CDC20B: variants seen among roughly 807,000 people sequenced by gnomAD.
CDC20B encodes cell division cycle 20B.
Under a neutral mutation model 64.1 loss-of-function variants are expected in CDC20B, and 58 were observed. That is an observed-to-expected ratio of 0.90 (90% confidence interval 0.73 to 1.13). The LOEUF is 1.13. Ranked by LOEUF, CDC20B falls within the 50% of genes most tolerant of loss-of-function variation. CDC20B has a pLI of 0.00. For missense variants in CDC20B, 597 were observed against 633.0 expected (o/e 0.94, Z 0.61); for synonymous variants, 243 against 230.6 (o/e 1.05, Z -0.49).
At position 55,113,995 on chromosome 5, in the gene CDC20B, A is replaced by G. The variant is rs974531087; in HGVS notation, c.*223T>C. On this transcript the variant is annotated 3_prime_UTR_variant, in exon 12 of 12. Coordinates refer to ENST00000381375, the MANE Select transcript of CDC20B (RefSeq NM_001170402.1). Reference sequence around the variant, plus strand: ...GAATGGGAGGAAGAAGAGGAGGGGGAGGAAGAGGGGCAGAAAGAAGAAAGC... The same window carrying G: ...GAATGGGAGGAAGAAGAGGAGGGGGGGGAAGAGGGGCAGAAAGAAGAAAGC... The G allele has an allele frequency of 3.7e-5, 23 of 627,696 alleles. No individual in the cohort carries two copies. The highest frequency in any genetic ancestry group is 2.2e-4 in the African/African-American group (12 of 53,490). 38.9% of individuals were successfully genotyped at this position (627,696 alleles called of 1,614,324 possible). A position where few individuals can be genotyped will look rare whatever the true frequency, so the allele number is the denominator to read the frequency against.
chr5:55,151,500 A>G (rs1436438564), intron 2 of CDC20B, among the ~76,000 whole-genome samples: 1 of 152,370 alleles, frequency 6.6e-6, no homozygotes, highest in East Asian at 1.9e-4. Flanking sequence ...GCAAAATTCC[A>G]AAGAAATTCT....
At chr5:55,126,973 T>C (rs1274196124) in intron 8 of CDC20B, among the ~76,000 whole-genome samples, 1 of 152,230 alleles carries the variant, frequency 6.6e-6, no homozygotes, top group Non-Finnish European at 1.5e-5. Context: ...TACCTATTAC[T>C]TAGCACAGAG....
intron 2 of CDC20B, chr5:55,170,633 C>A (rs1046706286): frequency 3.7e-6 from 2 of 534,664 alleles, no homozygotes; most frequent in Middle Eastern, 3.2e-4. Context: ...GTATCCAGAG[C>A]ACTTCATTGA....
chr5:55,127,551 T>C (rs937952335), intron 7 of CDC20B, among the ~76,000 whole-genome samples, 200 bp from the exon 8 acceptor site: 2 of 152,214 alleles, frequency 1.3e-5, no homozygotes, highest in African/African-American at 4.8e-5. Flanking sequence ...GATGCTGATT[T>C]AGTTGGTAGA....
Position 55,162,517 on chromosome 5 carries a change from A to G in CDC20B, c.126+10071T>C, listed in dbSNP as rs901878765. Among the ~76,000 whole-genome samples the G allele has an allele frequency of 6.6e-5, 10 of 152,260 alleles. No homozygotes were observed. The East Asian group carries it at 1.7e-3, about 26-fold the overall frequency. ...ATCAAACTATTACCTCACTCAGGCA[A>G]TCAAGCTTCTAATCCAACAAACCAA... On this transcript the variant is annotated intron_variant, in intron 2 of 11. Coordinates refer to ENST00000381375, the MANE Select transcript of CDC20B (RefSeq NM_001170402.1).
At chr5:55,149,262 C>T (rs1743590390) in intron 2 of CDC20B, among the ~76,000 whole-genome samples, 2 of 152,132 alleles carry the variant, frequency 1.3e-5, no homozygotes. Flanking sequence ...TTGTACATTG[C>T]AAGTGTACAG....
rs544136975 is a variant in CDC20B, at chr5:55,157,202, T to C, written c.127-10346A>G. On this transcript the variant is annotated intron_variant, in intron 2 of 11. Coordinates refer to ENST00000381375, the MANE Select transcript of CDC20B (RefSeq NM_001170402.1). ...GGTTTTTCTAACATACTACCCCTTA[T>C]GCAGAGAAATGTGCCATTTTGATAT... Among the ~76,000 whole-genome samples, 4 of 152,350 alleles carry C rather than the reference T, an allele frequency of 2.6e-5. No individual in the cohort carries two copies. The South Asian group carries it at 8.3e-4, about 32-fold the overall frequency.
Position 55,142,888 on chromosome 5 carries a change from C to T in CDC20B, c.486+625G>A, listed in dbSNP as rs149163981. Among the ~76,000 whole-genome samples, 395 of 152,238 alleles carry T rather than the reference C, an allele frequency of 2.6e-3. 2 individuals carry two copies. The highest frequency in any genetic ancestry group is 8.9e-3 in the African/African-American group (368 of 41,534). On this transcript the variant is annotated intron_variant, in intron 4 of 11. Coordinates refer to ENST00000381375, the MANE Select transcript of CDC20B (RefSeq NM_001170402.1). ...TATGACTTTTCTAGTTCAAAGCTTT[C>T]GAACTGAAATATGGATTCCTTCAAA...
rs145100634 is a variant in CDC20B, at chr5:55,130,285, G to C, written c.698-1668C>G. Among the ~76,000 whole-genome samples the C allele has an allele frequency of 3.9e-5, 6 of 152,294 alleles. No individual in the cohort carries two copies. The East Asian group carries it at 1.2e-3, about 29-fold the overall frequency. On this transcript the variant is annotated intron_variant, in intron 6 of 11. Transcript: ENST00000381375. ...ACTGAATAGCAGGATAGAGGTGATAGAGGAAAGAGTAAACTTGAATATAGA... is the reference window on the plus strand; with the variant it reads ...ACTGAATAGCAGGATAGAGGTGATACAGGAAAGAGTAAACTTGAATATAGA...
chr5:55,126,909 T>C lies in CDC20B; in HGVS notation c.989+348A>G, dbSNP rs539592363. ...GTCCCAGAGAGCTTAACATATTCCATAGTATAGATACTGACAGCAATAAAT... is the reference window on the plus strand; with the variant it reads ...GTCCCAGAGAGCTTAACATATTCCACAGTATAGATACTGACAGCAATAAAT... On this transcript the variant is annotated intron_variant, in intron 8 of 11. Transcript: ENST00000381375. Among the ~76,000 whole-genome samples, 17 of 152,342 alleles carry C rather than the reference T, an allele frequency of 1.1e-4. 1 individual carries two copies. In the South Asian group the frequency reaches 3.5e-3, roughly 32 times the overall value.
intron 2 of CDC20B, among the ~76,000 whole-genome samples, chr5:55,147,575 ATGT>A (rs1743531127): frequency 6.7e-6 from 1 of 149,946 alleles, no homozygotes; most frequent in Non-Finnish European, 1.5e-5. Context: ...TATGTGTAAA[ATGT>A]TATTTTTTTA....
chr5:55,134,009 T>C (rs748510348), intron 5 of CDC20B, among the ~76,000 whole-genome samples: 1 of 152,210 alleles, frequency 6.6e-6, no homozygotes, highest in African/African-American at 2.4e-5. Context: ...CAGACTCCAA[T>C]ACTGGAGTAT....
chr5:55,128,023 C>A (rs990765041), intron 7 of CDC20B, among the ~76,000 whole-genome samples: 1 of 151,706 alleles, frequency 6.6e-6, no homozygotes, highest in Non-Finnish European at 1.5e-5. Flanking sequence ...TTGATAAATC[C>A]CCATCTCAAG....
chr5:55,170,655 T>C (rs1300285852), intron 2 of CDC20B: 2 of 534,702 alleles, frequency 3.7e-6, no homozygotes, highest in Non-Finnish European at 3.8e-6. Context: ...AAGAAGAATT[T>C]ATCCAGAAGC....
intron 2 of CDC20B, chr5:55,160,121 C>A: frequency 8.6e-7 from 1 of 1,157,522 alleles, no homozygotes; most frequent in Non-Finnish European, 1.3e-6. Flanking sequence ...TTCCGTTAAA[C>A]TAAGCCGGTT....
chr5:55,148,158 C>A (rs1036735300), intron 2 of CDC20B, among the ~76,000 whole-genome samples: 1 of 152,154 alleles, frequency 6.6e-6, no homozygotes, highest in Non-Finnish European at 1.5e-5. Context: ...AAAGACAATT[C>A]ATAAAAGAGA....
chr5:55,140,510 G>T, intron 4 of CDC20B, 103 bp from the exon 5 acceptor site: 2 of 662,372 alleles, frequency 3.0e-6, no homozygotes, highest in Non-Finnish European at 5.0e-6. Context: ...TCACTAAGGA[G>T]TTCAAAGATT....
At chr5:55,133,569 A>C (rs1743082982) in intron 5 of CDC20B, 41 bp from the exon 6 acceptor site, 1 of 827,782 alleles carries the variant, frequency 1.2e-6, no homozygotes, top group Non-Finnish European at 1.8e-6. Context: ...TAAGATCCTG[A>C]AAATATAATA....
intron 5 of CDC20B, chr5:55,136,555 T>C (rs1476350463): frequency 2.1e-5 from 3 of 144,550 alleles, no homozygotes; most frequent in Non-Finnish European, 4.5e-5. Context: ...CAAGACTTCA[T>C]CTCAAAAAAA....
Sources: allele counts gnomAD v4.1 joint callset (sites outside exome capture counted in the v4.1 genomes callset), GRCh38; gene constraint gnomAD v4.1.1; transcripts MANE v1.5; gene names NCBI Gene and HGNC (gene_info 2026-07-23, HGNC 2026-07-21).